The following ADD3 variants were observed in gnomAD, a reference collection of about 807,000 sequenced individuals.
ADD3 encodes adducin 3.
A neutral mutation model predicts 80.2 loss-of-function variants in ADD3; 25 were observed. That is an observed-to-expected ratio of 0.31 (90% confidence interval 0.23 to 0.44). The LOEUF is 0.44. Ranked by LOEUF, ADD3 falls within the 20% of genes least tolerant of loss-of-function variation. ADD3 has a pLI of 1.00. For synonymous variants in ADD3, 284 were observed against 289.6 expected (o/e 0.98, Z 0.20); for missense variants, 829 against 847.5 (o/e 0.98, Z 0.27).
rs189733414 is a variant in ADD3 at position 110,014,906 on chromosome 10, G to T, written c.-30+6607G>T. Among the ~76,000 whole-genome samples the T allele has an allele frequency of 4.3e-4, 65 of 150,108 alleles. No individual in the cohort carries two copies. The East Asian group carries it at 0.013, about 29-fold the overall frequency. On this transcript the variant is annotated intron_variant, in intron 1 of 14. Coordinates refer to ENST00000356080, the MANE Select transcript of ADD3 (RefSeq NM_016824.5). Reference sequence around the variant, plus strand: ...AATTTTTTTTTTGAGACGGAGTCTCGCACTGTTGCCAGGCTGGAGTGCAGT... The same window carrying T: ...AATTTTTTTTTTGAGACGGAGTCTCTCACTGTTGCCAGGCTGGAGTGCAGT...
At chr10:110,050,298 T>C (rs1857362181) in intron 1 of ADD3, among the ~76,000 whole-genome samples, 1 of 152,004 alleles carries the variant, frequency 6.6e-6, no homozygotes, top group Admixed American at 6.5e-5. Flanking sequence ...AGGGACCCAG[T>C]GGGAGATATT....
intron 2 of ADD3, among the ~76,000 whole-genome samples, chr10:110,108,886 A>T (rs935422589): frequency 6.6e-6 from 1 of 152,174 alleles, no homozygotes; most frequent in African/African-American, 2.4e-5. Context: ...AATTTTTTTT[A>T]TACCTATACT....
chr10:109,999,983 G>A (rs536647629), intron 1 of ADD3, among the ~76,000 whole-genome samples: 2 of 149,746 alleles, frequency 1.3e-5, no homozygotes, highest in East Asian at 2.0e-4. Flanking sequence ...ACAATGGTGC[G>A]ATCTCGGCTC....
At chr10:110,085,433 G>A (rs1846603282) in intron 1 of ADD3, among the ~76,000 whole-genome samples, 1 of 152,174 alleles carries the variant, frequency 6.6e-6, no homozygotes, top group Admixed American at 6.6e-5. Context: ...TCCCAGAAAT[G>A]GGCAATAGGA....
chr10:110,114,048 C>T (rs1350180109), intron 3 of ADD3, among the ~76,000 whole-genome samples: 1 of 152,160 alleles, frequency 6.6e-6, no homozygotes, highest in Non-Finnish European at 1.5e-5. Flanking sequence ...AAAGAAGCTG[C>T]CCTGGAAGTG....
intron 1 of ADD3, among the ~76,000 whole-genome samples, chr10:110,070,226 A>G (rs1589975466): frequency 6.6e-6 from 1 of 152,148 alleles, no homozygotes; most frequent in Non-Finnish European, 1.5e-5. Flanking sequence ...AGAGTGTGCT[A>G]CAATTGTCTC....
At chr10:110,091,814 G>A (rs1847552483) in intron 1 of ADD3, among the ~76,000 whole-genome samples, 2 of 152,168 alleles carry the variant, frequency 1.3e-5, no homozygotes, top group Non-Finnish European at 2.9e-5. Context: ...CAGACAACCT[G>A]CAGAATGGTA....
intron 1 of ADD3, among the ~76,000 whole-genome samples, chr10:110,082,162 A>G (rs1846135464): frequency 6.6e-6 from 1 of 152,194 alleles, no homozygotes; most frequent in Non-Finnish European, 1.5e-5. Flanking sequence ...ACCACAGTGA[A>G]CAATAGGCTA....
intron 2 of ADD3, among the ~76,000 whole-genome samples, chr10:110,102,278 T>C (rs557200793): frequency 4.5e-4 from 69 of 152,286 alleles, no homozygotes; most frequent in African/African-American, 3.6e-4. Flanking sequence ...AAAATAGATA[T>C]GTTTCCTTCT....
chr10:110,101,873 T>C (rs1848853513), intron 2 of ADD3, among the ~76,000 whole-genome samples: 1 of 152,146 alleles, frequency 6.6e-6, no homozygotes, highest in Admixed American at 6.6e-5. Flanking sequence ...AGACATATGA[T>C]GCCCAGGTTA....
At chr10:110,023,501 C>A (rs1016598219) in intron 1 of ADD3, among the ~76,000 whole-genome samples, 4 of 152,188 alleles carry the variant, frequency 2.6e-5, no homozygotes, top group African/African-American at 9.7e-5. Flanking sequence ...GAAATCTGTG[C>A]AACTTGCTGA....
At chr10:110,003,019 T>C (rs1851516168), upstream of ADD3, among the ~76,000 whole-genome samples, 1 of 152,210 alleles carries the variant, frequency 6.6e-6, no homozygotes, top group Non-Finnish European at 1.5e-5. Context: ...TGGCTTGGCA[T>C]AAAAGGGTGA....
At chr10:110,128,830 A>G (rs2134216288) in intron 12 of ADD3, among the ~76,000 whole-genome samples, 1 of 151,944 alleles carries the variant, frequency 6.6e-6, no homozygotes, top group South Asian at 2.1e-4. Flanking sequence ...AATTTTCTTC[A>G]TTTGCCTTTG....
At chr10:110,033,500 T>A (rs1855296002) in intron 1 of ADD3, among the ~76,000 whole-genome samples, 1 of 152,188 alleles carries the variant, frequency 6.6e-6, no homozygotes, top group African/African-American at 2.4e-5. Context: ...GGTACAGGGA[T>A]ATTTTGCCAA....
At chr10:110,129,172 G>A (rs1190847477) in intron 12 of ADD3, among the ~76,000 whole-genome samples, 7 of 142,066 alleles carry the variant, frequency 4.9e-5, no homozygotes, top group African/African-American at 1.9e-4. Flanking sequence ...TTTTTGAGAC[G>A]GAGTTTTGTT....
At chr10:110,011,133 C>T (rs952140458) in intron 1 of ADD3, among the ~76,000 whole-genome samples, 1 of 151,322 alleles carries the variant, frequency 6.6e-6, no homozygotes, top group Non-Finnish European at 1.5e-5. Flanking sequence ...CCCAGGTGGC[C>T]CAGAGGGCAC....
At chr10:110,125,157 A>G (rs890658847) in intron 10 of ADD3, among the ~76,000 whole-genome samples, 3 of 152,230 alleles carry the variant, frequency 2.0e-5, no homozygotes, top group Non-Finnish European at 2.9e-5. Context: ...GTAAAAGAAC[A>G]TAATTAAACT....
intron 1 of ADD3, among the ~76,000 whole-genome samples, chr10:110,064,851 G>A (rs892189547): frequency 6.6e-6 from 1 of 151,970 alleles, no homozygotes; most frequent in Admixed American, 6.6e-5. Flanking sequence ...TTTTAAAACT[G>A]CATGTTTCCC....
chr10:110,082,008 T>C (rs1366242642), intron 1 of ADD3, among the ~76,000 whole-genome samples: 8 of 152,222 alleles, frequency 5.3e-5, no homozygotes, highest in Admixed American at 4.6e-4. Flanking sequence ...GGAAGTCTCA[T>C]TACCCTGGTC....
Sources: gnomAD v4.1 joint callset for allele counts (sites outside exome capture counted in the v4.1 genomes callset) on GRCh38, gnomAD v4.1.1 for gene constraint, MANE v1.5 for transcripts, NCBI Gene and HGNC (gene_info 2026-07-23, HGNC 2026-07-21) for gene names.